Variants in MAF observed in about 807,000 individuals in gnomAD.
MAF encodes MAF bZIP transcription factor, also known as transcription factor Maf.
MAF carries 10 observed loss-of-function variants against 22.0 expected under a neutral mutation model. The ratio of observed to expected loss-of-function variants is 0.45; its 90% confidence interval spans 0.28 to 0.77. The LOEUF is 0.77. Among genes scored for constraint, MAF ranks in the 30% least tolerant of loss-of-function variants. MAF has a pLI of 0.12. For synonymous variants in MAF, 337 were observed against 255.8 expected, an observed-to-expected ratio of 1.32 and a Z score of -3.03; for missense variants, 544 against 548.4, an observed-to-expected ratio of 0.99 and a Z score of 0.08.
chr16:79,319,099 C>G, the MAF span, among the ~76,000 whole-genome samples: 1 of 152,124 alleles, frequency 6.6e-6, no homozygotes, highest in Non-Finnish European at 1.5e-5. Context: ...TTTAAGCAGG[C>G]ACACTTTCCC....
the MAF span, among the ~76,000 whole-genome samples, chr16:79,252,708 T>G: frequency 2.0e-5 from 3 of 152,156 alleles, no homozygotes; most frequent in African/African-American, 4.8e-5. Flanking sequence ...CAGGCTGGCC[T>G]TGAACTCCTG....
chr16:79,369,351 A>G, the MAF span, among the ~76,000 whole-genome samples: 1 of 152,170 alleles, frequency 6.6e-6, no homozygotes, highest in Non-Finnish European at 1.5e-5. Context: ...GATTCTTGGG[A>G]GTCAGCTTCA....
chr16:79,350,544 C>G, the MAF span, among the ~76,000 whole-genome samples: 1 of 152,180 alleles, frequency 6.6e-6, no homozygotes, highest in Non-Finnish European at 1.5e-5. Flanking sequence ...CACCTGACTG[C>G]GTACTCAACA....
chr16:79,557,240 A>G, the MAF span, among the ~76,000 whole-genome samples: 1 of 152,130 alleles, frequency 6.6e-6, no homozygotes, highest in Non-Finnish European at 1.5e-5. Flanking sequence ...GCTAAGAAAG[A>G]CTTTCTTGCC....
At chr16:79,431,040 A>G in the MAF span, among the ~76,000 whole-genome samples, 1 of 152,104 alleles carries the variant, frequency 6.6e-6, no homozygotes, top group Non-Finnish European at 1.5e-5. Context: ...CCTTTGTGTG[A>G]CATCCTGGGG....
the MAF span, among the ~76,000 whole-genome samples, chr16:79,484,030 G>A: frequency 3.9e-5 from 6 of 152,134 alleles, no homozygotes; most frequent in African/African-American, 1.4e-4. Flanking sequence ...TCAGGCTAGT[G>A]ATAGCAACCA....
chr16:79,306,630 G>C, the MAF span, among the ~76,000 whole-genome samples: 1 of 152,198 alleles, frequency 6.6e-6, no homozygotes, highest in East Asian at 1.9e-4. Flanking sequence ...AAAGCCATCA[G>C]CTTAGCTCTG....
chr16:79,483,435 G>A, the MAF span, among the ~76,000 whole-genome samples: 2 of 150,930 alleles, frequency 1.3e-5, no homozygotes, highest in East Asian at 2.0e-4. Context: ...GAAGTGAAGG[G>A]AAGACCCAAA....
chr16:79,275,650 C>A, the MAF span, among the ~76,000 whole-genome samples: 1 of 152,150 alleles, frequency 6.6e-6, no homozygotes, highest in Non-Finnish European at 1.5e-5. Context: ...GTCATGGCTA[C>A]TTTTTAATTT....
chr16:79,455,139 T>C, the MAF span, among the ~76,000 whole-genome samples: 2 of 151,736 alleles, frequency 1.3e-5, no homozygotes, highest in Non-Finnish European at 2.9e-5. Flanking sequence ...CCTTTGTCCA[T>C]TTCCCATGTC....
the MAF span, among the ~76,000 whole-genome samples, chr16:79,407,355 C>A: frequency 6.6e-6 from 1 of 152,132 alleles, no homozygotes; most frequent in African/African-American, 2.4e-5. Flanking sequence ...CAAAATGTGA[C>A]CATAAAGGAT....
At chr16:79,585,177 G>A (rs1567556311), downstream of MAF, among the ~76,000 whole-genome samples, 1 of 152,234 alleles carries the variant, frequency 6.6e-6, no homozygotes, top group East Asian at 1.9e-4. Flanking sequence ...AATGAAGAGG[G>A]TTCATAATAA....
In MAF at chr16:79,598,795, C is replaced by G. The variant is rs2143796969; in HGVS notation, c.1108G>C (p.Glu370Gln). The change falls in exon 1 of 2, where the codon GAG (glutamate) becomes CAG (glutamine). Residue 370 changes from glutamate to glutamine, a missense_variant. Physicochemically the swap from Glu to Gln is conservative, Grantham distance 29. Transcript: ENST00000326043. ...GSSSDNPSSP[E>Q]FFITEPTRKL... is the part of the protein sequence containing the mutation. ...GCGTGTCAGACTCACATGAAAAACT[C>G]GGGAGAGGACGGGTTGTCGCTGCTC... The G allele has an allele frequency of 5.6e-6, 9 of 1,613,722 alleles. No homozygotes were observed. The highest frequency in any genetic ancestry group is 2.2e-5 in the East Asian group (1 of 44,804).
At chr16:79,320,060 C>T in the MAF span, among the ~76,000 whole-genome samples, 6 of 152,094 alleles carry the variant, frequency 3.9e-5, no homozygotes, top group African/African-American at 1.2e-4. Flanking sequence ...GGTTGCATGG[C>T]AGACAGAAGG....
the MAF span, among the ~76,000 whole-genome samples, chr16:79,226,640 C>G: frequency 2.0e-5 from 3 of 151,894 alleles, no homozygotes; most frequent in Non-Finnish European, 4.4e-5. Flanking sequence ...TTTGTACCTA[C>G]AAATACGTAT....
At chr16:79,570,902 G>A in the MAF span, among the ~76,000 whole-genome samples, 1 of 152,176 alleles carries the variant, frequency 6.6e-6, no homozygotes, top group Admixed American at 6.5e-5. Context: ...CAGCCAGCTG[G>A]TATTGGCACT....
At chr16:79,537,296 T>G in the MAF span, among the ~76,000 whole-genome samples, 1 of 152,210 alleles carries the variant, frequency 6.6e-6, no homozygotes, top group South Asian at 2.1e-4. Flanking sequence ...AAATACACAT[T>G]GATACTGATG....
chr16:79,272,986 T>C, the MAF span, among the ~76,000 whole-genome samples: 1 of 152,200 alleles, frequency 6.6e-6, no homozygotes, highest in Non-Finnish European at 1.5e-5. Context: ...GTGTCTAAAC[T>C]CTAAATTATA....
the MAF span, among the ~76,000 whole-genome samples, chr16:79,355,468 G>C: frequency 6.6e-6 from 1 of 152,298 alleles, no homozygotes; most frequent in Non-Finnish European, 1.5e-5. Flanking sequence ...TGGCCAAACA[G>C]TTCCAACCCC....
Sources: allele counts gnomAD v4.1 joint callset (sites outside exome capture counted in the v4.1 genomes callset), GRCh38; gene constraint gnomAD v4.1.1; transcripts MANE v1.5; gene names NCBI Gene and HGNC (gene_info 2026-07-23, HGNC 2026-07-21).